TAFA1: variants seen among roughly 807,000 people sequenced by gnomAD.
TAFA1 encodes TAFA chemokine like family member 1.
Under a neutral mutation model 18.5 loss-of-function variants are expected in TAFA1, and 4 were observed. That is an observed-to-expected ratio of 0.22 (90% CI 0.11 to 0.49). TAFA1 has a LOEUF of 0.49. TAFA1 is among the 20% of genes least tolerant of loss of function. TAFA1 has a pLI of 0.98. For synonymous variants in TAFA1, 56 were observed against 55.2 expected, an observed-to-expected ratio of 1.01 and a Z score of -0.06; for missense variants, 147 against 169.0, an observed-to-expected ratio of 0.87 and a Z score of 0.72.
Position 68,305,045 on chromosome 3 carries a change from CA to C in TAFA1, c.119-112233del, listed in dbSNP as rs537281976. On this transcript the variant is annotated intron_variant, in intron 2 of 4. Coordinates refer to ENST00000478136, the MANE Select transcript of TAFA1 (RefSeq NM_213609.4). ...GTACCACAGATTGGGTGGCTTAGCA[CA>C]ACAAAAATCTACTTTCCTTAAGTTC... Among the ~76,000 whole-genome samples the C allele has an allele frequency of 3.9e-5, 6 of 152,066 alleles. No individual in the cohort carries two copies. In the East Asian group the frequency reaches 1.2e-3, roughly 30 times the overall value.
chr3:68,068,453 A>G (rs1316358102), intron 2 of TAFA1, among the ~76,000 whole-genome samples: 3 of 152,236 alleles, frequency 2.0e-5, no homozygotes, highest in Admixed American at 1.3e-4. Context: ...ACTTCATAGT[A>G]TAACAGTGCT....
At chr3:68,171,431 G>T (rs2066052020) in intron 2 of TAFA1, among the ~76,000 whole-genome samples, 2 of 152,156 alleles carry the variant, frequency 1.3e-5, no homozygotes, top group South Asian at 4.1e-4. Context: ...TAATAAATTT[G>T]TGTTGTTTTA....
chr3:68,113,888 G>GTTTTTTT (rs1169442128), intron 2 of TAFA1, among the ~76,000 whole-genome samples: 2 of 57,886 alleles, frequency 3.5e-5, no homozygotes, highest in Admixed American at 2.8e-4. Flanking sequence ...TTGGGGTGTA[G>GTTTTTTT]TTTTTTTTGT....
chr3:68,151,944 A>G (rs1471324967), intron 2 of TAFA1, among the ~76,000 whole-genome samples: 3 of 152,186 alleles, frequency 2.0e-5, no homozygotes, highest in African/African-American at 7.2e-5. Flanking sequence ...ATTCATGTAA[A>G]TGAATTACCA....
chr3:68,333,593 AC>A, intron 2 of TAFA1, among the ~76,000 whole-genome samples: 1 of 152,270 alleles, frequency 6.6e-6, no homozygotes, highest in Middle Eastern at 3.4e-3. Context: ...TATATAAAAA[AC>A]CTGCACATGT....
At chr3:68,299,046 G>C (rs1235317984) in intron 2 of TAFA1, among the ~76,000 whole-genome samples, 2 of 152,162 alleles carry the variant, frequency 1.3e-5, no homozygotes, top group African/African-American at 4.8e-5. Flanking sequence ...TTGTTGAATG[G>C]TTTTGACCAA....
chr3:68,377,682 A>G (rs573210249), intron 2 of TAFA1, among the ~76,000 whole-genome samples: 2 of 152,316 alleles, frequency 1.3e-5, no homozygotes, highest in South Asian at 2.1e-4. Flanking sequence ...CATGTCAGAG[A>G]TCTTAGCAGT....
At chr3:68,085,785 G>T (rs2106786447) in intron 2 of TAFA1, among the ~76,000 whole-genome samples, 1 of 152,176 alleles carries the variant, frequency 6.6e-6, no homozygotes, top group South Asian at 2.1e-4. Flanking sequence ...AGCTGAGTGG[G>T]TTTTCAATCA....
At chr3:68,195,326 A>AC (rs758551401) in intron 2 of TAFA1, among the ~76,000 whole-genome samples, 1 of 147,372 alleles carries the variant, frequency 6.8e-6, no homozygotes, top group Non-Finnish European at 1.5e-5. Flanking sequence ...CACTACCCCT[A>AC]CCCCTGGTAG....
At chr3:68,050,217 C>T (rs1296462558) in intron 2 of TAFA1, among the ~76,000 whole-genome samples, 2 of 152,012 alleles carry the variant, frequency 1.3e-5, no homozygotes, top group Non-Finnish European at 2.9e-5. Context: ...AAGAAAAAAC[C>T]ATTGAAGGAT....
At chr3:68,190,156 A>G (rs2066320343) in intron 2 of TAFA1, among the ~76,000 whole-genome samples, 1 of 151,900 alleles carries the variant, frequency 6.6e-6, no homozygotes, top group South Asian at 2.1e-4. Flanking sequence ...ACATTTTGTC[A>G]TTCTTTTTTT....
chr3:68,498,894 T>C (rs1405720300), intron 3 of TAFA1, among the ~76,000 whole-genome samples: 2 of 152,064 alleles, frequency 1.3e-5, no homozygotes, highest in Admixed American at 6.6e-5. Flanking sequence ...AAAGGAGATA[T>C]ATTTTTTAAC....
chr3:68,413,835 G>T (rs2106786920), intron 2 of TAFA1, among the ~76,000 whole-genome samples: 1 of 152,250 alleles, frequency 6.6e-6, no homozygotes, highest in Middle Eastern at 3.4e-3. Context: ...GGTCAAGTGT[G>T]CCTCTGATTA....
chr3:68,487,227 A>C (rs2072360201), intron 3 of TAFA1, among the ~76,000 whole-genome samples: 1 of 152,206 alleles, frequency 6.6e-6, no homozygotes, highest in Admixed American at 6.5e-5. Flanking sequence ...ACTTGATAGC[A>C]AAATTCGGAT....
intron 2 of TAFA1, among the ~76,000 whole-genome samples, chr3:68,219,258 C>A (rs759218165): frequency 1.3e-5 from 2 of 152,014 alleles, no homozygotes; most frequent in Non-Finnish European, 2.9e-5. Context: ...CCCAAAGACA[C>A]TTTTTAAAAG....
intron 2 of TAFA1, among the ~76,000 whole-genome samples, chr3:68,218,996 C>G (rs950672052): frequency 4.2e-5 from 6 of 142,396 alleles, no homozygotes; most frequent in African/African-American, 1.6e-4. Flanking sequence ...TACTCAATTC[C>G]TAAGCATTCT....
chr3:68,056,293 C>G (rs115492812), intron 2 of TAFA1, among the ~76,000 whole-genome samples: 1,831 of 152,228 alleles, frequency 0.012, 42 homozygotes, highest in African/African-American at 0.042. Context: ...GAGTTCCAAC[C>G]TGAGTTCTCA....
intron 3 of TAFA1, among the ~76,000 whole-genome samples, chr3:68,452,887 A>G (rs966483169): frequency 6.6e-6 from 1 of 152,192 alleles, no homozygotes; most frequent in Non-Finnish European, 1.5e-5. Context: ...GTTCCTAAAC[A>G]CTGCATTCTT....
intron 3 of TAFA1, among the ~76,000 whole-genome samples, chr3:68,453,495 G>T (rs1433690549): frequency 6.6e-6 from 1 of 152,162 alleles, no homozygotes; most frequent in African/African-American, 2.4e-5. Context: ...GAACCACCAG[G>T]TGAGAGGAGG....
Sources: allele counts gnomAD v4.1 joint callset (sites outside exome capture counted in the v4.1 genomes callset), GRCh38; gene constraint gnomAD v4.1.1; transcripts MANE v1.5; gene names NCBI Gene and HGNC (gene_info 2026-07-23, HGNC 2026-07-21).